SLC25A48: variants seen among roughly 807,000 people sequenced by gnomAD.
SLC25A48 encodes the protein CTC-321K16.1.
Under a neutral mutation model 32.2 loss-of-function variants are expected in SLC25A48, and 29 were observed. The ratio of observed to expected loss-of-function variants is 0.90; its 90% CI spans 0.67 to 1.23. SLC25A48 has a LOEUF of 1.23. SLC25A48 is among the 50% of genes most tolerant of loss of function. The pLI, the probability that SLC25A48 is intolerant of heterozygous loss-of-function variation, is 0.00. For missense variants in SLC25A48, 399 were observed against 422.7 expected (o/e 0.94, Z 0.49); for synonymous variants, 164 against 172.3 (o/e 0.95, Z 0.38).
chr5:135,744,042 A>T (rs1755573443), intron 3 of SLC25A48, among the ~76,000 whole-genome samples: 1 of 152,162 alleles, frequency 6.6e-6, no homozygotes. Flanking sequence ...CATCTAATTA[A>T]TTCTTCTTTT....
intron 3 of SLC25A48, among the ~76,000 whole-genome samples, chr5:135,748,257 CACTAT>C (rs1211779848): frequency 1.3e-5 from 2 of 152,192 alleles, no homozygotes; most frequent in Non-Finnish European, 2.9e-5. Context: ...GGCTCTTAAT[CACTAT>C]ACTATACATT....
chr5:135,710,757 G>C (rs1012014618), intron 3 of SLC25A48, among the ~76,000 whole-genome samples: 1 of 152,194 alleles, frequency 6.6e-6, no homozygotes, highest in African/African-American at 2.4e-5. Context: ...TGGCCAAATG[G>C]CTTCTCTGAA....
intron 3 of SLC25A48, among the ~76,000 whole-genome samples, chr5:135,645,574 G>T: frequency 6.6e-6 from 1 of 152,222 alleles, no homozygotes; most frequent in East Asian, 1.9e-4. Context: ...GTTCTGCCAA[G>T]TCTGTGATCA....
intron 3 of SLC25A48, among the ~76,000 whole-genome samples, chr5:135,660,234 G>C (rs1753362844): frequency 6.6e-6 from 1 of 152,166 alleles, no homozygotes; most frequent in South Asian, 2.1e-4. Context: ...CTTCCCCCAT[G>C]ATAACATCTT....
At chr5:135,715,056 C>T (rs534713594) in intron 3 of SLC25A48, among the ~76,000 whole-genome samples, 9 of 152,148 alleles carry the variant, frequency 5.9e-5, no homozygotes, top group Admixed American at 3.3e-4. Flanking sequence ...TTTCTGGGGC[C>T]GCATTGGAGA....
At chr5:135,671,403 A>G (rs1171613254) in intron 3 of SLC25A48, among the ~76,000 whole-genome samples, 1 of 152,212 alleles carries the variant, frequency 6.6e-6, no homozygotes, top group Non-Finnish European at 1.5e-5. Flanking sequence ...GCACAATATC[A>G]GTTCCATTTC....
intron 3 of SLC25A48, among the ~76,000 whole-genome samples, chr5:135,736,411 G>A (rs1755361337): frequency 6.6e-6 from 1 of 152,142 alleles, no homozygotes; most frequent in Non-Finnish European, 1.5e-5. Context: ...TAGGTCAGGT[G>A]TGAGTTGAGG....
At position 135,761,843 on chromosome 5, in the gene SLC25A48, C is replaced by G. The variant is rs546357792; in HGVS notation, c.-520-50680C>G. Among the ~76,000 whole-genome samples the G allele has an allele frequency of 5.3e-5, 8 of 152,328 alleles. No individual in the cohort carries two copies. In the South Asian group the frequency reaches 1.4e-3, roughly 28 times the overall value. ...GCAGGATTCCAGATCCTGCGCCCCC[C>G]ACTTGGCCTCCCACACTTTGGATGC... is the stretch of plus-strand genomic sequence containing the variant. On this transcript the variant is annotated intron_variant, in intron 3 of 10. Coordinates refer to the SLC25A48 transcript ENST00000646290.
At position 135,790,390 on chromosome 5, in the gene SLC25A48, G is replaced by T. The variant is rs6864204; in HGVS notation, c.-520-22133G>T. 8.3e-3 allele frequency among the ~76,000 whole-genome samples: 1,261 copies of T among 151,836 alleles called. 22 individuals are homozygous for T. Among genetic ancestry groups the T allele is most frequent in the African/African-American group, 0.029 (1,200 of 41,420 alleles). ...TACATTCTGTGAAATTACCTGTATTGTCCTAGAAGTTGTTACTCTTAATGT... is the reference window on the plus strand; with the variant it reads ...TACATTCTGTGAAATTACCTGTATTTTCCTAGAAGTTGTTACTCTTAATGT... On this transcript the variant is annotated intron_variant, in intron 3 of 10. Coordinates refer to the SLC25A48 transcript ENST00000646290.
At chr5:135,772,411 G>T (rs1756435913) in intron 3 of SLC25A48, among the ~76,000 whole-genome samples, 1 of 151,672 alleles carries the variant, frequency 6.6e-6, no homozygotes. Context: ...TTCCAGAGGG[G>T]AAGAGGATGA....
At chr5:135,582,736 A>G (rs1162130660) in intron 1 of SLC25A48, among the ~76,000 whole-genome samples, 2 of 152,080 alleles carry the variant, frequency 1.3e-5, no homozygotes, top group African/African-American at 4.8e-5. Flanking sequence ...TCAAACATCC[A>G]AGCCTGTTCC....
chr5:135,874,008 T>A lies in SLC25A48; in HGVS notation c.680-13T>A. ...GGAGCTAGCCCCTGACACCTGTTTC[T>A]TTCTCTTTGCAGGAGCAATTTCTTG... On this transcript the variant is annotated splice_polypyrimidine_tract_variant and intron_variant, in intron 5 of 7. Coordinates refer to ENST00000681962, the MANE Select transcript of SLC25A48 (RefSeq NM_001349336.2). The A allele has an allele frequency of 6.5e-7, 1 of 1,529,960 alleles. No individual in the cohort carries two copies. Among genetic ancestry groups the A allele is most frequent in the Non-Finnish European group, 8.7e-7 (1 of 1,144,774 alleles). The allele number at this position is 1,529,960 out of a possible 1,614,324, so 94.8% of individuals were successfully genotyped here.
chr5:135,635,783 C>T (rs753858914), intron 3 of SLC25A48, among the ~76,000 whole-genome samples: 2 of 152,152 alleles, frequency 1.3e-5, no homozygotes, highest in Non-Finnish European at 2.9e-5. Context: ...AAAGTATGAG[C>T]CAGATCCTGC....
rs183349300 is a variant in SLC25A48 at position 135,593,589 on chromosome 5, G to T, written c.-849+13992G>T. Reference sequence around the variant, plus strand: ...GACAAAGTTCCAAGGGCTTCTCCCAGGAGGCAGATGGAGGACAGCGCCTTC... The same window carrying T: ...GACAAAGTTCCAAGGGCTTCTCCCATGAGGCAGATGGAGGACAGCGCCTTC... On this transcript the variant is annotated intron_variant, in intron 1 of 10. Transcript: ENST00000646290. 7.0e-4 allele frequency among the ~76,000 whole-genome samples: 107 copies of T among 152,326 alleles called. 2 individuals carry two copies. The South Asian group carries it at 8.9e-3, about 13-fold the overall frequency.
chr5:135,689,243 G>A (rs1300783349), intron 3 of SLC25A48, among the ~76,000 whole-genome samples: 1 of 152,114 alleles, frequency 6.6e-6, no homozygotes, highest in Admixed American at 6.5e-5. Flanking sequence ...TCATAGGGAG[G>A]CCTCATCCAA....
At chr5:135,582,856 C>T (rs1341394799) in intron 1 of SLC25A48, among the ~76,000 whole-genome samples, 8 of 152,222 alleles carry the variant, frequency 5.3e-5, no homozygotes. Context: ...TATTCACCAT[C>T]CAGTTCTAAT....
intron 3 of SLC25A48, among the ~76,000 whole-genome samples, chr5:135,673,668 T>C (rs190384017): frequency 1.4e-4 from 22 of 152,258 alleles, no homozygotes; most frequent in African/African-American, 5.0e-4. Context: ...GGCATGCCTT[T>C]ATATTTCCAC....
chr5:135,705,852 G>GGAGCAGGATTGAAGTCCGGGC (rs1754495186), intron 3 of SLC25A48, among the ~76,000 whole-genome samples: 1 of 152,176 alleles, frequency 6.6e-6, no homozygotes, highest in African/African-American at 2.4e-5. Flanking sequence ...CTGAGGGGTG[G>GGAGCAGGATTGAAGTCCGGGC]CTGGTCCCCA....
rs1456761116 is a variant in SLC25A48 at position 135,809,210 on chromosome 5, G to A, written c.-520-3313G>A. Among the ~76,000 whole-genome samples the A allele has an allele frequency of 2.6e-5, 4 of 152,034 alleles. No homozygotes were observed. In the East Asian group the frequency reaches 5.8e-4, roughly 22 times the overall value. On this transcript the variant is annotated intron_variant, in intron 3 of 10. Coordinates refer to the SLC25A48 transcript ENST00000646290. ...GCTACTTGGGAGGCTGAGGCAGGAG[G>A]ATCACTTGAGCCCGAGGGTTTCAGG...
Sources: allele counts gnomAD v4.1 joint callset (sites outside exome capture counted in the v4.1 genomes callset), GRCh38; gene constraint gnomAD v4.1.1; transcripts MANE v1.5; gene names NCBI Gene and HGNC (gene_info 2026-07-23, HGNC 2026-07-21).